Variants in MGAM observed in about 807,000 individuals in gnomAD.
MGAM encodes the protein alpha-1,4-glucosidase.
A neutral mutation model predicts 358.8 loss-of-function variants in MGAM; 253 were observed. That is an observed-to-expected ratio of 0.71 (90% CI 0.64 to 0.78). The LOEUF (loss-of-function observed/expected upper bound fraction) is 0.78, where lower values mean the gene tolerates loss of function less well. Among genes scored for constraint, MGAM ranks in the 30% least tolerant of loss-of-function variants. MGAM has a pLI of 0.00. For missense variants in MGAM, 3,080 were observed against 3,432.6 expected (o/e 0.90, Z 2.57); for synonymous variants, 1,105 against 1,227.1 (o/e 0.90, Z 2.08).
rs548702694 is a variant in MGAM at position 142,069,051 on chromosome 7, A to G, written c.5061+348A>G. ...CATCTGAGATTGTGTTGCAAACTAT[A>G]GTTTTTGTTTTTATTGTTGATATCT... On this transcript the variant is annotated intron_variant, in intron 43 of 70. Coordinates refer to ENST00000475668, the MANE Select transcript of MGAM (RefSeq NM_001365693.1). Among the ~76,000 whole-genome samples the G allele has an allele frequency of 8.6e-4, 126 of 146,354 alleles. 4 individuals carry two copies. Among genetic ancestry groups the G allele is most frequent in the African/African-American group, 3.0e-3 (122 of 41,206 alleles).
chr7:142,030,091 G>T, intron 10 of MGAM: 1 of 377,698 alleles, frequency 2.6e-6, no homozygotes, highest in South Asian at 2.9e-5. Flanking sequence ...TTGCTTGCTT[G>T]ATTGGTTTTT....
chr7:142,059,772 T>A, intron 32 of MGAM, 84 bp from the exon 33 acceptor site: 1 of 1,569,074 alleles, frequency 6.4e-7, no homozygotes, highest in Non-Finnish European at 8.7e-7. Context: ...GCCAGCGAGT[T>A]CACCCTTGAG....
At position 142,086,985 on chromosome 7, in the gene MGAM, T is replaced by C. The variant is rs73738782; in HGVS notation, c.6810+268T>C. ...GTCCACGGTTTTAGGTGACAGAGTGTTGATTTCAATTCCAAGGCTGTCAGA... is the reference window on the plus strand; with the variant it reads ...GTCCACGGTTTTAGGTGACAGAGTGCTGATTTCAATTCCAAGGCTGTCAGA... On this transcript the variant is annotated intron_variant, in intron 57 of 70. Coordinates refer to ENST00000475668, the MANE Select transcript of MGAM (RefSeq NM_001365693.1). 3.2e-5 allele frequency among the ~76,000 whole-genome samples: 3 copies of C among 93,140 alleles called. 1 individual carries two copies. The South Asian group carries it at 9.7e-4, about 30-fold the overall frequency. The allele number at this position is 93,140 out of a possible 152,430, so 61.1% of individuals were successfully genotyped here.
At chr7:142,040,638 G>A (rs1808428967) in intron 20 of MGAM, 84 bp from the exon 21 acceptor site, 2 of 1,509,456 alleles carry the variant, frequency 1.3e-6, no homozygotes, top group African/African-American at 1.4e-5. Context: ...AAGGGAGAGA[G>A]CTGTGTATCA....
intron 45 of MGAM, among the ~76,000 whole-genome samples, chr7:142,075,028 A>C (rs573538378): frequency 2.7e-5 from 4 of 146,206 alleles, no homozygotes; most frequent in African/African-American, 9.7e-5. Flanking sequence ...CTCTAAGAAC[A>C]ACTGTTGTAG....
At position 142,036,822 on chromosome 7, in the gene MGAM, G is replaced by C. The variant is rs1808033715; in HGVS notation, c.2077-1G>C. The C allele has an allele frequency of 6.2e-7, 1 of 1,613,024 alleles. No individual in the cohort carries two copies. ...AACTGCAAACTCCTATTTCCTCCCAGGACCAGGATCCTGCCTCCTTTGGAG... is the reference window on the plus strand; with the variant it reads ...AACTGCAAACTCCTATTTCCTCCCACGACCAGGATCCTGCCTCCTTTGGAG... On this transcript the variant is annotated splice_acceptor_variant, in intron 17 of 70. Coordinates refer to ENST00000475668, the MANE Select transcript of MGAM (RefSeq NM_001365693.1). LOFTEE classifies it high-confidence loss of function.
intron 16 of MGAM, among the ~76,000 whole-genome samples, 176 bp from the exon 17 acceptor site, chr7:142,035,993 A>G (rs782139239): frequency 1.3e-5 from 2 of 152,080 alleles, no homozygotes; most frequent in Non-Finnish European, 2.9e-5. Flanking sequence ...TAGGTAACTT[A>G]CTCAAAGTCA....
In MGAM at chr7:142,021,753, C is replaced by T. The variant is rs782037766; in HGVS notation, c.710+16C>T. 6.2e-6 allele frequency: 10 copies of T among 1,613,196 alleles called. No individual in the cohort carries two copies. The highest frequency in any genetic ancestry group is 1.7e-5 in the Admixed American group (1 of 59,992). Reference sequence around the variant, plus strand: ...ATCGTGTTTTGTAAGTTTTGGAAACCTATCTAAGGATCAGAGTAGGAAGGT... The same window carrying T: ...ATCGTGTTTTGTAAGTTTTGGAAACTTATCTAAGGATCAGAGTAGGAAGGT... On this transcript the variant is annotated intron_variant, in intron 6 of 70. Coordinates refer to ENST00000475668, the MANE Select transcript of MGAM (RefSeq NM_001365693.1).
intron 9 of MGAM, 51 bp downstream of exon 9, chr7:142,027,278 ATTTT>A: frequency 7.0e-7 from 1 of 1,430,752 alleles, no homozygotes; most frequent in Non-Finnish European, 9.8e-7. Flanking sequence ...AACAGCAAAT[ATTTT>A]AAAAAAGTAA....
chr7:142,043,009 A>G (rs1177921075), intron 21 of MGAM, among the ~76,000 whole-genome samples: 1 of 96,068 alleles, frequency 1.0e-5, no homozygotes, highest in Non-Finnish European at 1.8e-5. Context: ...ATATCTAAAT[A>G]TAATATATAT....
rs1814158154 is a variant in MGAM at position 142,080,464 on chromosome 7, G to A, written c.5848-327G>A. Among the ~76,000 whole-genome samples the A allele has an allele frequency of 1.4e-5, 2 of 145,872 alleles. 1 individual carries two copies. Among genetic ancestry groups the A allele is most frequent in the African/African-American group, 4.9e-5 (2 of 41,046 alleles). ...ATTTTTCAATTCAGAAAAGTTTTAA[G>A]GTATTTATATATTCTCATATACCCA... is the stretch of plus-strand genomic sequence containing the variant. On this transcript the variant is annotated intron_variant, in intron 49 of 70. Transcript: ENST00000475668.
At chr7:142,101,504 A>G (rs987376952) in intron 68 of MGAM, among the ~76,000 whole-genome samples, 3 of 151,362 alleles carry the variant, frequency 2.0e-5, no homozygotes, top group Non-Finnish European at 4.4e-5. Context: ...TTCAATCTTA[A>G]CAAGCTTAAA....
chr7:142,094,744 C>T lies in MGAM; in HGVS notation c.7342-3C>T, dbSNP rs1300242195. On this transcript the variant is annotated splice_region_variant and splice_polypyrimidine_tract_variant and intron_variant, in intron 62 of 70. Transcript: ENST00000475668. ...AGGCTCCTTTTATTTCCTCTTGTTT[C>T]AGACGGGAGCAGATATCTGTGGGTT... 6.2e-7 allele frequency: 1 copy of T among 1,613,684 alleles called. No individual in the cohort carries two copies. Among genetic ancestry groups the T allele is most frequent in the South Asian group, 1.1e-5 (1 of 91,066 alleles).
At position 142,055,542 on chromosome 7, in the gene MGAM, C is replaced by A; in HGVS notation, c.3315-16C>A. On this transcript the variant is annotated splice_polypyrimidine_tract_variant and intron_variant, in intron 27 of 70. Transcript: ENST00000475668. ...AAGCTCATTTTCTGTTTCAAATCTG[C>A]GTTTTTGTGTTTCAGTTGGGACTCT... 6.2e-7 allele frequency: 1 copy of A among 1,613,846 alleles called. No homozygotes were observed. The highest frequency in any genetic ancestry group is 2.2e-5 in the East Asian group (1 of 44,870).
intron 21 of MGAM, among the ~76,000 whole-genome samples, chr7:142,041,867 A>G (rs1402452374): frequency 3.8e-5 from 4 of 106,078 alleles, no homozygotes; most frequent in Non-Finnish European, 5.4e-5. Flanking sequence ...CATTTTATAT[A>G]TATATTATAT....
In MGAM at chr7:142,094,304, C is replaced by A. The variant is rs1205493061; in HGVS notation, c.7173-60C>A. On this transcript the variant is annotated intron_variant, in intron 60 of 70. Transcript: ENST00000475668. Reference sequence around the variant, plus strand: ...GGCTCAAGGGCTCTGGGAGCAGATGCTCTATGGCCTTTGCTTCCTGGCGGT... The same window carrying A: ...GGCTCAAGGGCTCTGGGAGCAGATGATCTATGGCCTTTGCTTCCTGGCGGT... 8 of 1,481,730 alleles carry A rather than the reference C, an allele frequency of 5.4e-6. 1 individual carries two copies. The East Asian group carries it at 2.0e-4, about 37-fold the overall frequency. The allele number at this position is 1,481,730 out of a possible 1,614,324, so 91.8% of individuals were successfully genotyped here. A position where few individuals can be genotyped will look rare whatever the true frequency, so the allele number is the denominator to read the frequency against.
chr7:142,041,981 TA>T (rs1282491659), intron 21 of MGAM, among the ~76,000 whole-genome samples: 368 of 13,256 alleles, frequency 0.028, 16 homozygotes, highest in African/African-American at 0.081. Context: ...TATATATATA[TA>T]ATATAATATA....
intron 70 of MGAM, 95 bp from the exon 71 acceptor site, chr7:142,105,719 G>C: frequency 1.1e-6 from 1 of 874,584 alleles, no homozygotes; most frequent in South Asian, 1.4e-5. Flanking sequence ...AGAAGTATTA[G>C]GGGGTTATTT....
chr7:142,021,378 T>C (rs868931572), intron 5 of MGAM, among the ~76,000 whole-genome samples: 5 of 152,316 alleles, frequency 3.3e-5, no homozygotes, highest in African/African-American at 1.2e-4. Flanking sequence ...TTTCAATCCA[T>C]CTCTGCAGAT....
Sources: allele counts gnomAD v4.1 joint callset (sites outside exome capture counted in the v4.1 genomes callset), GRCh38; gene constraint gnomAD v4.1.1; transcripts MANE v1.5; gene names NCBI Gene and HGNC (gene_info 2026-07-23, HGNC 2026-07-21).